PUDP: variants seen among roughly 807,000 people sequenced by gnomAD.
The protein encoded by PUDP is pseudouridine-5'-phosphatase.
Under a neutral mutation model 9.4 loss-of-function variants are expected in PUDP, and 8 were observed. The observed-to-expected ratio is 0.85, with a 90% confidence interval of 0.50 to 1.53. The LOEUF (loss-of-function observed/expected upper bound fraction) is 1.53, where lower values mean the gene tolerates loss of function less well. Among genes scored for constraint, PUDP ranks in the 40% most tolerant of loss-of-function variants. The probability of loss-of-function intolerance (pLI) is 0.00; values close to 1 mark genes in which losing one functional copy is unlikely to be tolerated. For missense variants in PUDP, 188 were observed against 189.7 expected (o/e 0.99, Z 0.05); for synonymous variants, 99 against 80.7 (o/e 1.23, Z -1.22).
chrX:6,775,852 C>A, intron 3 of PUDP, among the ~76,000 whole-genome samples: 1 of 111,614 alleles, frequency 9.0e-6, no homozygotes, highest in Non-Finnish European at 1.9e-5. Context: ...GGGTTCTCAC[C>A]AGGCACTGGA....
Position 6,855,761 on chromosome X carries a change from G to A in PUDP, c.*247+121372C>T, listed in dbSNP as rs771346249. On this transcript the variant is annotated intron_variant and NMD_transcript_variant, in intron 3 of 3. Coordinates refer to the PUDP transcript ENST00000655425. ...AACAAGCTTCAACCAGTGTCTTACC[G>A]CCAAGGTTTCCTGATTTGCATATCT... 8.6e-4 allele frequency among the ~76,000 whole-genome samples: 96 copies of A among 111,484 alleles called. 1 individual carries two copies. The highest frequency in any genetic ancestry group is 1.3e-4 in the Non-Finnish European group (7 of 53,099).
intron 3 of PUDP, among the ~76,000 whole-genome samples, chrX:6,901,098 C>T (rs768348432): frequency 1.5e-4 from 17 of 111,466 alleles, no homozygotes; most frequent in Non-Finnish European, 2.3e-4. Flanking sequence ...TTAAATTGCT[C>T]CATGGGGACT....
rs759597354 is a variant in PUDP at position 7,096,064 on chromosome X, T to C, written c.280+9556A>G. 7.1e-5 allele frequency among the ~76,000 whole-genome samples: 8 copies of C among 112,224 alleles called. No homozygotes were observed. In the Middle Eastern group the frequency reaches 0.014, roughly 194 times the overall value. On this transcript the variant is annotated intron_variant, in intron 2 of 3. Transcript: ENST00000381077. ...CACTGCATGGACTAATGCAACCTTG[T>C]AAGTGCTCCCAGGCAGGAAGTGCTC...
chrX:6,912,386 C>A (rs1395035887), intron 3 of PUDP, among the ~76,000 whole-genome samples: 1 of 112,202 alleles, frequency 8.9e-6, no homozygotes, highest in Non-Finnish European at 1.9e-5. Flanking sequence ...GCTACCCAAT[C>A]TCTCTCAATA....
intron 3 of PUDP, among the ~76,000 whole-genome samples, chrX:6,810,666 A>C (rs1191530189): frequency 8.9e-6 from 1 of 112,113 alleles, no homozygotes; most frequent in Non-Finnish European, 1.9e-5. Context: ...CCTGGAAGTC[A>C]ATGATAAGAT....
chrX:7,057,104 G>A (rs1288743527), intron 3 of PUDP, among the ~76,000 whole-genome samples: 1 of 112,411 alleles, frequency 8.9e-6, no homozygotes, highest in African/African-American at 3.2e-5. Flanking sequence ...GCGCAGCAGC[G>A]ACCTGGGGAT....
rs1051202007 is a variant in PUDP at position 6,898,770 on chromosome X, T to G, written c.*247+78363A>C. Among the ~76,000 whole-genome samples the G allele has an allele frequency of 7.1e-5, 8 of 112,068 alleles. No individual in the cohort carries two copies. In the Admixed American group the frequency reaches 7.6e-4, roughly 11 times the overall value. On this transcript the variant is annotated intron_variant and NMD_transcript_variant, in intron 3 of 3. Transcript: ENST00000655425. ...TTTTGTGTGTCAAGAAATATTCTTC[T>G]TTTGATTCTTTTTTGCCAATCATTT...
At chrX:6,816,688 G>A (rs1206336916) in intron 3 of PUDP, among the ~76,000 whole-genome samples, 1 of 96,727 alleles carries the variant, frequency 1.0e-5, no homozygotes, top group Non-Finnish European at 2.0e-5. Context: ...ATACCATATA[G>A]CATATAAACA....
intron 3 of PUDP, among the ~76,000 whole-genome samples, chrX:6,969,876 C>T (rs775844313): frequency 6.2e-5 from 7 of 112,035 alleles, no homozygotes; most frequent in African/African-American, 2.3e-4. Flanking sequence ...AAGACCCAGT[C>T]TCTTTGTAAA....
At chrX:7,139,614 G>A (rs1376246749) in intron 1 of PUDP, among the ~76,000 whole-genome samples, 8 of 112,064 alleles carry the variant, frequency 7.1e-5, no homozygotes, top group South Asian at 3.8e-4. Flanking sequence ...AAGCTTCGAT[G>A]TGCCAACTAT....
chrX:7,147,168 C>T (rs1428569351), intron 1 of PUDP, among the ~76,000 whole-genome samples: 4 of 110,464 alleles, frequency 3.6e-5, no homozygotes, highest in Admixed American at 9.7e-5. Context: ...CTTAATGCCT[C>T]GGATTGATAG....
intron 3 of PUDP, among the ~76,000 whole-genome samples, chrX:6,858,173 C>T (rs1257064169): frequency 9.0e-6 from 1 of 111,220 alleles, no homozygotes; most frequent in Non-Finnish European, 1.9e-5. Context: ...ACTCTGGACA[C>T]TGAAACTCAG....
intron 1 of PUDP, among the ~76,000 whole-genome samples, chrX:7,021,184 T>A (rs1428368830): frequency 1.8e-5 from 2 of 112,270 alleles, no homozygotes; most frequent in Non-Finnish European, 1.9e-5. Context: ...CAAACACGTG[T>A]CCTTTTATTA....
chrX:7,001,583 A>G (rs1929325198), intron 1 of PUDP, among the ~76,000 whole-genome samples: 2 of 111,823 alleles, frequency 1.8e-5, no homozygotes, highest in Non-Finnish European at 3.8e-5. Context: ...GACATACTAG[A>G]CAATTCAAAA....
chrX:7,043,245 G>A (rs1489128598), intron 1 of PUDP, among the ~76,000 whole-genome samples: 1 of 111,691 alleles, frequency 9.0e-6, no homozygotes, highest in East Asian at 2.8e-4. Context: ...TTATAGGGGG[G>A]TGTTTGGGTC....
chrX:6,953,360 T>C (rs1222698019), intron 3 of PUDP, among the ~76,000 whole-genome samples: 2 of 111,326 alleles, frequency 1.8e-5, no homozygotes, highest in African/African-American at 6.5e-5. Context: ...AGGCTGTTCA[T>C]GGTTGGGATA....
chrX:6,998,417 T>A (rs1415650333), intron 1 of PUDP, among the ~76,000 whole-genome samples: 1 of 111,230 alleles, frequency 9.0e-6, no homozygotes, highest in African/African-American at 3.3e-5. Flanking sequence ...TGTTCAAATA[T>A]ACCAGCTACA....
At chrX:6,773,591 C>A (rs1352801655) in intron 3 of PUDP, among the ~76,000 whole-genome samples, 1 of 110,872 alleles carries the variant, frequency 9.0e-6, no homozygotes, top group Non-Finnish European at 1.9e-5. Context: ...GGGTCCAGGT[C>A]GGGTATGAGA....
chrX:6,862,266 C>T (rs1486728853), intron 3 of PUDP, among the ~76,000 whole-genome samples: 1 of 111,920 alleles, frequency 8.9e-6, no homozygotes, highest in East Asian at 2.8e-4. Context: ...AATAAGAAGG[C>T]TGTAAGGGAC....
Sources: allele counts gnomAD v4.1 joint callset (sites outside exome capture counted in the v4.1 genomes callset), GRCh38; gene constraint gnomAD v4.1.1; transcripts MANE v1.5; gene names NCBI Gene and HGNC (gene_info 2026-07-23, HGNC 2026-07-21).